Variants in MUC7 observed in about 807,000 individuals in gnomAD.
MUC7 encodes the protein mucin-7.
Under a neutral mutation model 2.5 loss-of-function variants are expected in MUC7, and 2 were observed. That is an observed-to-expected ratio of 0.81 (90% CI 0.33 to 2.55). The LOEUF is 2.55. Among genes scored for constraint, MUC7 ranks in the 30% most tolerant of loss-of-function variants. MUC7 has a pLI of 0.11. For missense variants in MUC7, 408 were observed against 455.6 expected (o/e 0.90, Z 0.95); for synonymous variants, 133 against 173.4 (o/e 0.77, Z 1.83).
At chr4:70,436,874 G>A (rs1733853368) in intron 1 of MUC7, among the ~76,000 whole-genome samples, 1 of 152,146 alleles carries the variant, frequency 6.6e-6, no homozygotes, top group African/African-American at 2.4e-5. Context: ...ACCTACAGAT[G>A]GGGTTTTGGT....
At chr4:70,455,529 T>C (rs573929473) in intron 1 of MUC7, among the ~76,000 whole-genome samples, 118 of 152,348 alleles carry the variant, frequency 7.7e-4, no homozygotes, top group African/African-American at 2.6e-3. Flanking sequence ...TGAGTTTATA[T>C]GCATTTCAGT....
chr4:70,475,443 C>T (rs1036793019), intron 2 of MUC7, among the ~76,000 whole-genome samples: 1 of 152,058 alleles, frequency 6.6e-6, no homozygotes, highest in African/African-American at 2.4e-5. Context: ...TTAAAACATA[C>T]TTGAAGCCAT....
At chr4:70,480,122 A>G (rs989459847) in intron 2 of MUC7, among the ~76,000 whole-genome samples, 1 of 152,258 alleles carries the variant, frequency 6.6e-6, no homozygotes, top group Non-Finnish European at 1.5e-5. Context: ...TCCAGACAAA[A>G]TGCATAAACA....
intron 1 of MUC7, among the ~76,000 whole-genome samples, chr4:70,441,650 G>A (rs1274483871): frequency 6.6e-6 from 1 of 152,314 alleles, no homozygotes; most frequent in East Asian, 1.9e-4. Context: ...GAAAGGCATT[G>A]AGAAGGATGG....
At chr4:70,463,028 C>CT (rs1734596382) in intron 1 of MUC7, among the ~76,000 whole-genome samples, 1 of 152,132 alleles carries the variant, frequency 6.6e-6, no homozygotes, top group African/African-American at 2.4e-5. Flanking sequence ...GCACTACTCT[C>CT]TATCACTTTT....
chr4:70,440,842 C>T lies in MUC7; in HGVS notation c.-93+10155C>T, dbSNP rs576775369. ...AATGGATGAGAAGAAGGAAAATTAA[C>T]AGCACATCCCTTGTAGGAAAAAGAC... On this transcript the variant is annotated intron_variant, in intron 1 of 3. Coordinates refer to the MUC7 transcript ENST00000413702. 5.3e-5 allele frequency among the ~76,000 whole-genome samples: 8 copies of T among 152,066 alleles called. No homozygotes were observed. In the South Asian group the frequency reaches 1.2e-3, roughly 24 times the overall value.
rs1735211925 is a variant in MUC7 at position 70,481,958 on chromosome 4, C to T, written c.*80C>T. ...AGAACTACCACCTTTCTTTTAGCAC[C>T]AATCCCAACATGAAATTATATTACT... is the stretch of plus-strand genomic sequence containing the variant. On this transcript the variant is annotated 3_prime_UTR_variant, in exon 3 of 3. Coordinates refer to ENST00000304887, the MANE Select transcript of MUC7 (RefSeq NM_152291.3). 7.0e-7 allele frequency: 1 copy of T among 1,437,470 alleles called. No individual in the cohort carries two copies. Among genetic ancestry groups the T allele is most frequent in the East Asian group, 2.3e-5 (1 of 43,748 alleles). The allele number at this position is 1,437,470 out of a possible 1,614,324, so 89.0% of individuals were successfully genotyped here.
chr4:70,467,223 C>T (rs1474663531), upstream of MUC7, among the ~76,000 whole-genome samples: 2 of 152,154 alleles, frequency 1.3e-5, no homozygotes, highest in African/African-American at 4.8e-5. Context: ...AGAACAAAGA[C>T]ACAACATACC....
At chr4:70,434,555 A>T (rs7691807) in intron 1 of MUC7, among the ~76,000 whole-genome samples, 128,056 of 152,132 alleles carry the variant, frequency 0.84, 54,024 homozygotes, top group Admixed American at 0.89. Context: ...TCTGTGAGAT[A>T]GGTGGTGATA....
intron 1 of MUC7, among the ~76,000 whole-genome samples, chr4:70,440,570 A>G (rs1733977343): frequency 6.6e-6 from 1 of 152,218 alleles, no homozygotes; most frequent in East Asian, 1.9e-4. Flanking sequence ...TAATAATAAT[A>G]TGTTCCAAAA....
intron 1 of MUC7, among the ~76,000 whole-genome samples, chr4:70,436,084 T>A (rs1284302597): frequency 1.3e-5 from 2 of 152,246 alleles, no homozygotes; most frequent in Non-Finnish European, 2.9e-5. Context: ...GTTAGTCTGA[T>A]GAGCTTCCCT....
chr4:70,471,368 G>C (rs4452506), upstream of MUC7, among the ~76,000 whole-genome samples: 23,690 of 152,080 alleles, frequency 0.16, 1,990 homozygotes, highest in South Asian at 0.21. Flanking sequence ...TTGAGTCCTG[G>C]TAGGAACAAA....
intron 1 of MUC7, among the ~76,000 whole-genome samples, chr4:70,444,024 A>G (rs545039123): frequency 3.3e-5 from 5 of 152,322 alleles, no homozygotes; most frequent in African/African-American, 9.6e-5. Flanking sequence ...ACCCTCATTT[A>G]TCACCAAATT....
intron 1 of MUC7, among the ~76,000 whole-genome samples, chr4:70,449,138 T>G (rs1189920028): frequency 6.6e-6 from 1 of 152,222 alleles, no homozygotes; most frequent in African/African-American, 2.4e-5. Flanking sequence ...TTTAGAAGTG[T>G]TCTCTTCTCC....
At chr4:70,477,815 C>T (rs28566795) in intron 2 of MUC7, among the ~76,000 whole-genome samples, 40,241 of 152,028 alleles carry the variant, frequency 0.26, 5,681 homozygotes, top group East Asian at 0.4. Flanking sequence ...TAGGGCCTAA[C>T]ATAAAGTGTT....
chr4:70,443,545 T>G (rs1455836815), intron 1 of MUC7, among the ~76,000 whole-genome samples: 1 of 152,160 alleles, frequency 6.6e-6, no homozygotes, highest in Non-Finnish European at 1.5e-5. Context: ...CATTTTCGAC[T>G]GGCAAACAAA....
intron 1 of MUC7, among the ~76,000 whole-genome samples, chr4:70,438,821 A>G (rs1174829692): frequency 6.6e-6 from 1 of 152,202 alleles, no homozygotes; most frequent in Non-Finnish European, 1.5e-5. Flanking sequence ...ATAAGAATCT[A>G]AATGTTTTTT....
intron 1 of MUC7, among the ~76,000 whole-genome samples, chr4:70,446,275 T>C (rs1406828981): frequency 6.6e-6 from 1 of 152,180 alleles, no homozygotes; most frequent in African/African-American, 2.4e-5. Context: ...TAAGAAACCC[T>C]TGTCTTCATT....
chr4:70,431,674 G>C lies in MUC7; in HGVS notation c.-93+987G>C, dbSNP rs1481385701. On this transcript the variant is annotated intron_variant, in intron 1 of 3. Transcript: ENST00000413702. ...TTCTTATTCAACCGTAGTAACATTA[G>C]ATGAATATGCACTTATTAACCAATT... Among the ~76,000 whole-genome samples the C allele has an allele frequency of 2.0e-5, 3 of 152,148 alleles. No homozygotes were observed. In the East Asian group the frequency reaches 5.8e-4, roughly 29 times the overall value.
Sources: gnomAD v4.1 joint callset for allele counts (sites outside exome capture counted in the v4.1 genomes callset) on GRCh38, gnomAD v4.1.1 for gene constraint, MANE v1.5 for transcripts, NCBI Gene and HGNC (gene_info 2026-07-23, HGNC 2026-07-21) for gene names.